SNTG1: variants seen among roughly 807,000 people sequenced by gnomAD.
SNTG1 encodes gamma-1-syntrophin.
A neutral mutation model predicts 74.7 loss-of-function variants in SNTG1; 39 were observed. That is an observed-to-expected ratio of 0.52 (90% confidence interval 0.40 to 0.68). The LOEUF (loss-of-function observed/expected upper bound fraction) is 0.68. Among genes scored for constraint, SNTG1 ranks in the 30% least tolerant of loss-of-function variants. The pLI is 0.00. For synonymous variants in SNTG1, 254 were observed against 217.1 expected (o/e 1.17, Z -1.49); for missense variants, 685 against 609.5 (o/e 1.12, Z -1.30).
At chr8:50,610,505 C>G (rs887266454) in intron 13 of SNTG1, among the ~76,000 whole-genome samples, 1 of 152,158 alleles carries the variant, frequency 6.6e-6, no homozygotes, top group Non-Finnish European at 1.5e-5. Flanking sequence ...TAGGGTCAAC[C>G]TGTTAAATTT....
intron 18 of SNTG1, among the ~76,000 whole-genome samples, chr8:50,779,183 C>T (rs142638016): frequency 0.015 from 2,281 of 152,212 alleles, 32 homozygotes; most frequent in Non-Finnish European, 0.025. Flanking sequence ...CTTCGCAATG[C>T]GAGCTCTTTT....
chr8:50,207,111 C>T (rs1199710912), intron 2 of SNTG1, among the ~76,000 whole-genome samples: 1 of 152,086 alleles, frequency 6.6e-6, no homozygotes, highest in African/African-American at 2.4e-5. Context: ...CCCTCTTTTT[C>T]TATTGATTGG....
intron 2 of SNTG1, among the ~76,000 whole-genome samples, chr8:50,224,607 C>T (rs1304574331): frequency 6.6e-6 from 1 of 152,126 alleles, no homozygotes; most frequent in Non-Finnish European, 1.5e-5. Flanking sequence ...ACCCCCCAAC[C>T]AACTGACTGG....
intron 8 of SNTG1, among the ~76,000 whole-genome samples, chr8:50,494,216 T>A (rs1397559264): frequency 6.6e-6 from 1 of 151,832 alleles, no homozygotes; most frequent in Non-Finnish European, 1.5e-5. Context: ...TCATAATAAT[T>A]CATGGATATT....
At chr8:49,976,564 T>C (rs1164854384) in intron 1 of SNTG1, among the ~76,000 whole-genome samples, 1 of 152,140 alleles carries the variant, frequency 6.6e-6, no homozygotes, top group Non-Finnish European at 1.5e-5. Context: ...AATATTTAAA[T>C]GTCATGCCAA....
intron 1 of SNTG1, among the ~76,000 whole-genome samples, chr8:50,139,190 T>G (rs556160712): frequency 2.6e-5 from 4 of 152,206 alleles, no homozygotes; most frequent in Non-Finnish European, 5.9e-5. Context: ...ATTCTGACTT[T>G]TGGCATATAG....
At chr8:50,763,247 C>T (rs779637123) in intron 18 of SNTG1, among the ~76,000 whole-genome samples, 8 of 151,764 alleles carry the variant, frequency 5.3e-5, no homozygotes, top group Non-Finnish European at 1.2e-4. Context: ...TTCCTTGTTG[C>T]CAGGATGGGG....
intron 2 of SNTG1, among the ~76,000 whole-genome samples, chr8:50,193,270 C>A (rs536693575): frequency 1.3e-5 from 2 of 152,220 alleles, no homozygotes; most frequent in East Asian, 3.9e-4. Flanking sequence ...ATTGTTTCTA[C>A]CTATCCATGA....
intron 1 of SNTG1, among the ~76,000 whole-genome samples, chr8:50,092,482 C>T (rs1459958873): frequency 2.0e-5 from 3 of 152,136 alleles, no homozygotes; most frequent in Non-Finnish European, 4.4e-5. Flanking sequence ...TGATAACAGG[C>T]AGATCCATTT....
chr8:50,442,019 T>C (rs2093362227), intron 5 of SNTG1, among the ~76,000 whole-genome samples: 1 of 152,180 alleles, frequency 6.6e-6, no homozygotes, highest in African/African-American at 2.4e-5. Context: ...CGAAATGACG[T>C]ATGAGCACAA....
intron 18 of SNTG1, among the ~76,000 whole-genome samples, chr8:50,786,933 T>G (rs2095677157): frequency 2.0e-5 from 3 of 151,950 alleles, no homozygotes; most frequent in Admixed American, 2.0e-4. Context: ...TTGACAATTG[T>G]GCTTAGACTC....
At chr8:50,574,850 A>AT (rs2094568172) in intron 12 of SNTG1, among the ~76,000 whole-genome samples, 1 of 152,230 alleles carries the variant, frequency 6.6e-6, no homozygotes, top group African/African-American at 2.4e-5. Context: ...AAGAACATGA[A>AT]TTTTTTTATT....
At chr8:50,261,807 A>T (rs10089994) in intron 2 of SNTG1, among the ~76,000 whole-genome samples, 49,579 of 151,988 alleles carry the variant, frequency 0.33, 8,582 homozygotes, top group African/African-American at 0.45. Flanking sequence ...AAGAAAACAG[A>T]ATCACATAAA....
intron 8 of SNTG1, among the ~76,000 whole-genome samples, chr8:50,488,167 A>T (rs1436932358): frequency 6.6e-6 from 1 of 152,204 alleles, no homozygotes; most frequent in Non-Finnish European, 1.5e-5. Context: ...ATAAAGACGC[A>T]TGAAGAAGTT....
intron 12 of SNTG1, among the ~76,000 whole-genome samples, chr8:50,583,394 C>CAAAAAAAAAAAAAAAAAAAAAAAA (rs58794829): frequency 1.2e-5 from 1 of 82,426 alleles, no homozygotes; most frequent in South Asian, 4.0e-4. Context: ...GAGTGAGACT[C>CAAAAAAAAAAAAAAAAAAAAAAAA]AAAAAAAAAA....
intron 8 of SNTG1, among the ~76,000 whole-genome samples, chr8:50,471,716 G>T (rs745939104): frequency 1.2e-4 from 19 of 152,112 alleles, no homozygotes; most frequent in Non-Finnish European, 2.4e-4. Flanking sequence ...CAAGAAAGAT[G>T]TCATTCAACA....
chr8:50,056,185 T>G (rs1174689647), intron 1 of SNTG1, among the ~76,000 whole-genome samples: 2 of 152,132 alleles, frequency 1.3e-5, no homozygotes, highest in East Asian at 3.9e-4. Context: ...CTAAGGATTC[T>G]CTGTTCTTGA....
intron 2 of SNTG1, among the ~76,000 whole-genome samples, chr8:50,207,350 G>T (rs995875344): frequency 1.3e-5 from 2 of 152,148 alleles, no homozygotes; most frequent in African/African-American, 4.8e-5. Context: ...TAGTTTATTT[G>T]CATAGAGGTG....
intron 5 of SNTG1, among the ~76,000 whole-genome samples, chr8:50,439,334 T>A (rs1046367856): frequency 2.0e-5 from 3 of 152,088 alleles, no homozygotes; most frequent in African/African-American, 7.2e-5. Flanking sequence ...TTATAATTAT[T>A]GGGTTAGTTA....
Sources: allele counts gnomAD v4.1 joint callset (sites outside exome capture counted in the v4.1 genomes callset), GRCh38; gene constraint gnomAD v4.1.1; transcripts MANE v1.5; gene names NCBI Gene and HGNC (gene_info 2026-07-23, HGNC 2026-07-21).